Variants in PLCG2 observed in about 807,000 individuals in gnomAD.
The protein encoded by PLCG2 is 1-phosphatidylinositol 4,5-bisphosphate phosphodiesterase gamma-2.
Under a neutral mutation model 175.6 loss-of-function variants are expected in PLCG2, and 69 were observed. That is an observed-to-expected ratio of 0.39 (90% CI 0.32 to 0.48). The LOEUF is 0.48. PLCG2 is among the 20% of genes least tolerant of loss of function. PLCG2 has a pLI of 0.91. For missense variants in PLCG2, 1,798 were observed against 1,650.9 expected (o/e 1.09, Z -1.54); for synonymous variants, 827 against 624.0 (o/e 1.33, Z -4.85).
chr16:81,880,220 A>T (rs1198814447), intron 7 of PLCG2, among the ~76,000 whole-genome samples: 1 of 152,184 alleles, frequency 6.6e-6, no homozygotes, highest in Non-Finnish European at 1.5e-5. Flanking sequence ...CAGCCTGGGT[A>T]ACAGTGAGAC....
chr16:81,884,198 A>C (rs1330546117), intron 9 of PLCG2, among the ~76,000 whole-genome samples: 1 of 152,174 alleles, frequency 6.6e-6, no homozygotes, highest in Non-Finnish European at 1.5e-5. Context: ...TAAAAATACA[A>C]AAATTAGGCA....
chr16:81,775,516 G>A (rs1046488270), upstream of PLCG2, among the ~76,000 whole-genome samples: 3 of 152,076 alleles, frequency 2.0e-5, no homozygotes, highest in African/African-American at 4.8e-5. Context: ...GGGGATGAGG[G>A]CTTTACCTCC....
chr16:81,927,156 A>G lies in PLCG2; in HGVS notation c.2492A>G (p.Asp831Gly), dbSNP rs1233460268. 1 of 1,612,480 alleles carries G rather than the reference A, an allele frequency of 6.2e-7. No homozygotes were observed. Among genetic ancestry groups the G allele is most frequent in the South Asian group, 1.1e-5 (1 of 91,036 alleles). Residue 831 changes from aspartate to glycine, a missense_variant, in exon 23 of 33, where the codon GAC (aspartate) becomes GGC (glycine). Asp to Gly is a moderately conservative substitution (Grantham distance 94). Transcript: ENST00000564138. Reference sequence around the variant, plus strand: ...TACGTCGAGGACATCTCAACTGCAGACTTCGAGGAGCTAGAAAAGCAGGTG... The same window carrying G: ...TACGTCGAGGACATCTCAACTGCAGGCTTCGAGGAGCTAGAAAAGCAGGTG... ...SNYVEDISTA[D>G]FEELEKQIIE...
upstream of PLCG2, among the ~76,000 whole-genome samples, chr16:81,777,149 A>C (rs938302341): frequency 2.3e-4 from 35 of 152,010 alleles, no homozygotes; most frequent in African/African-American, 8.5e-4. Flanking sequence ...TCATGTTCTT[A>C]TTTTTTTGCT....
chr16:81,746,092 G>A (rs1203987619), intron 1 of PLCG2, among the ~76,000 whole-genome samples: 2 of 152,188 alleles, frequency 1.3e-5, no homozygotes, highest in Non-Finnish European at 2.9e-5. Context: ...CAATAGGCAA[G>A]AGGATGCCAT....
intron 31 of PLCG2, among the ~76,000 whole-genome samples, chr16:81,953,806 C>A (rs1169551690): frequency 6.6e-6 from 1 of 152,084 alleles, no homozygotes; most frequent in African/African-American, 2.4e-5. Flanking sequence ...CCCAGGACTA[C>A]AGTATGTAAT....
chr16:81,866,206 G>A (rs568063678), intron 5 of PLCG2, among the ~76,000 whole-genome samples: 6 of 114,544 alleles, frequency 5.2e-5, no homozygotes, highest in South Asian at 3.3e-4. Flanking sequence ...CTCCACTGGG[G>A]CACCAGCATG....
chr16:81,826,632 C>G (rs1443728689), intron 2 of PLCG2, among the ~76,000 whole-genome samples: 1 of 152,206 alleles, frequency 6.6e-6, no homozygotes, highest in African/African-American at 2.4e-5. Context: ...ATGGTGATAG[C>G]AGCAGCCACT....
chr16:81,929,256 C>G (rs548902786), intron 24 of PLCG2, among the ~76,000 whole-genome samples: 2 of 152,306 alleles, frequency 1.3e-5, no homozygotes, highest in South Asian at 2.1e-4. Context: ...TGAAGGGACT[C>G]TGTAGCGGGC....
intron 2 of PLCG2, among the ~76,000 whole-genome samples, chr16:81,828,504 G>T (rs926695471): frequency 1.3e-5 from 2 of 152,012 alleles, no homozygotes; most frequent in Non-Finnish European, 2.9e-5. Context: ...TCCCAAAGTG[G>T]TGGGATTACA....
At chr16:81,812,832 A>G (rs1215773204) in intron 2 of PLCG2, among the ~76,000 whole-genome samples, 2 of 152,088 alleles carry the variant, frequency 1.3e-5, no homozygotes, top group African/African-American at 4.8e-5. Context: ...TCTTTTATCC[A>G]TCTTGAGTTA....
At chr16:81,828,767 G>A (rs8054878) in intron 2 of PLCG2, among the ~76,000 whole-genome samples, 53,809 of 152,052 alleles carry the variant, frequency 0.35, 10,122 homozygotes, top group African/African-American at 0.49. Context: ...GAACAATGTG[G>A]CATTTTCCTG....
intron 17 of PLCG2, among the ~76,000 whole-genome samples, chr16:81,909,736 C>G (rs893648061): frequency 1.3e-5 from 2 of 152,154 alleles, no homozygotes; most frequent in African/African-American, 2.4e-5. Context: ...ACTAATAACA[C>G]GCAAATAATC....
rs527812482 is a variant in PLCG2 at position 81,924,057 on chromosome 16, C to T, written c.2417+463C>T. Among the ~76,000 whole-genome samples the T allele has an allele frequency of 8.7e-4, 132 of 152,358 alleles. 1 individual carries two copies. Among genetic ancestry groups the T allele is most frequent in the Non-Finnish European group, 6.8e-4 (46 of 68,038 alleles). Reference sequence around the variant, plus strand: ...CTGTGTGTTATTTCCAATTCAAATTCGTATGCTGTTCCATAGTCCCGTGCT... The same window carrying T: ...CTGTGTGTTATTTCCAATTCAAATTTGTATGCTGTTCCATAGTCCCGTGCT... On this transcript the variant is annotated intron_variant, in intron 22 of 32. Transcript: ENST00000564138.
chr16:81,796,485 G>A (rs181656912), intron 2 of PLCG2, among the ~76,000 whole-genome samples: 7 of 152,346 alleles, frequency 4.6e-5, no homozygotes, highest in Admixed American at 1.3e-4. Flanking sequence ...AGAGGACATC[G>A]TCTGGCTCCC....
At chr16:81,858,202 T>G (rs1955084422) in intron 3 of PLCG2, 61 bp from the exon 4 acceptor site, 1 of 1,195,428 alleles carries the variant, frequency 8.4e-7, no homozygotes, top group Non-Finnish European at 1.3e-6. Context: ...GGGCAGGGCT[T>G]TGTAAGCAGA....
At chr16:81,920,656 G>C (rs951559639) in intron 20 of PLCG2, among the ~76,000 whole-genome samples, 8 of 152,146 alleles carry the variant, frequency 5.3e-5, no homozygotes, top group African/African-American at 1.9e-4. Context: ...AAGGTGACAT[G>C]AGGAACAGAA....
At chr16:81,787,194 G>A (rs148801129) in intron 2 of PLCG2, among the ~76,000 whole-genome samples, 6 of 150,816 alleles carry the variant, frequency 4.0e-5, no homozygotes, top group African/African-American at 7.3e-5. Context: ...TATTCGAAGT[G>A]ACTATCATTG....
intron 1 of PLCG2, among the ~76,000 whole-genome samples, chr16:81,753,436 T>TG (rs1909855562): frequency 6.6e-6 from 1 of 151,098 alleles, no homozygotes; most frequent in Non-Finnish European, 1.5e-5. Context: ...TTTTTTTTTT[T>TG]GAGATGGAGT....
Sources: allele counts gnomAD v4.1 joint callset (sites outside exome capture counted in the v4.1 genomes callset), GRCh38; gene constraint gnomAD v4.1.1; transcripts MANE v1.5; gene names NCBI Gene and HGNC (gene_info 2026-07-23, HGNC 2026-07-21).